ZKSCAN2: variants seen among roughly 807,000 people sequenced by gnomAD.
ZKSCAN2 encodes the protein zinc finger protein with KRAB and SCAN domains 2.
ZKSCAN2 carries 38 observed loss-of-function variants against 90.5 expected under a neutral mutation model. That is an observed-to-expected ratio of 0.42 (90% CI 0.32 to 0.55). The LOEUF (loss-of-function observed/expected upper bound fraction) is 0.55, where lower values mean the gene tolerates loss of function less well. Among genes scored for constraint, ZKSCAN2 ranks in the 20% least tolerant of loss-of-function variants. The pLI is 0.11. For synonymous variants in ZKSCAN2, 429 were observed against 421.6 expected (o/e 1.02, Z -0.22); for missense variants, 1,167 against 1,202.6 (o/e 0.97, Z 0.44).
intron 6 of ZKSCAN2, among the ~76,000 whole-genome samples, chr16:25,242,937 G>T (rs1039203183): frequency 3.9e-5 from 6 of 152,238 alleles, no homozygotes; most frequent in African/African-American, 1.4e-4. Flanking sequence ...GGAGCCCACA[G>T]GGAAGAGCCG....
intron 2 of ZKSCAN2, among the ~76,000 whole-genome samples, chr16:25,253,794 C>T (rs553729142): frequency 6.6e-5 from 10 of 152,022 alleles, no homozygotes; most frequent in Non-Finnish European, 1.2e-4. Flanking sequence ...GATCACCTAA[C>T]GTGAGGAGTT....
chr16:25,240,637 A>C lies in ZKSCAN2; in HGVS notation c.2083T>G (p.Ser695Ala). 1 of 1,614,168 alleles carries C rather than the reference A, an allele frequency of 6.2e-7. No homozygotes were observed. The highest frequency in any genetic ancestry group is 8.5e-7 in the Non-Finnish European group (1 of 1,180,012). The change falls in exon 7 of 7, where the codon TCC becomes GCC. Residue 695 changes from serine to alanine, a missense_variant. Coordinates refer to ENST00000328086, the MANE Select transcript of ZKSCAN2 (RefSeq NM_001012981.5). Reference protein sequence around the residue: ...ALIEKSKRVVSQSTDPSKYRK... With the variant: ...ALIEKSKRVVAQSTDPSKYRK... ...TATTTGCTGGGGTCGGTACTCTGGG[A>C]AACAACTCTTTTAGACTTTTCTATT...
At chr16:25,253,676 G>A (rs556064211) in intron 2 of ZKSCAN2, among the ~76,000 whole-genome samples, 15 of 152,330 alleles carry the variant, frequency 9.8e-5, no homozygotes, top group East Asian at 3.9e-4. Context: ...TCATGCTGCC[G>A]CATTTAATCT....
At chr16:25,245,076 G>T (rs1318754464) in intron 5 of ZKSCAN2, among the ~76,000 whole-genome samples, 2 of 152,092 alleles carry the variant, frequency 1.3e-5, no homozygotes, top group African/African-American at 4.8e-5. Context: ...ACCTGTCTAG[G>T]CATAATGCAT....
At chr16:25,249,659 A>G (rs1169892328) in intron 4 of ZKSCAN2, among the ~76,000 whole-genome samples, 1 of 152,222 alleles carries the variant, frequency 6.6e-6, no homozygotes, top group Non-Finnish European at 1.5e-5. Flanking sequence ...ATTGTACCCC[A>G]TAAATATACA....
At position 25,239,044 on chromosome 16, in the gene ZKSCAN2, G is replaced by A. The variant is rs1962808494; in HGVS notation, c.*772C>T. On this transcript the variant is annotated 3_prime_UTR_variant, in exon 7 of 7. Transcript: ENST00000328086. ...GAAGAGGCCGGCAGGAGCACCCAGA[G>A]CAACTGAGAGGCAAGTGCAGGGCTA... is the stretch of plus-strand genomic sequence containing the variant. 1 of 152,676 alleles carries A rather than the reference G, an allele frequency of 6.5e-6. No individual in the cohort carries two copies. The highest frequency in any genetic ancestry group is 2.4e-5 in the African/African-American group (1 of 41,410). The allele number at this position is 152,676 out of a possible 1,614,324, so 9.5% of individuals were successfully genotyped here.
intron 3 of ZKSCAN2, 24 bp downstream of exon 3, chr16:25,252,922 A>T: frequency 6.3e-7 from 1 of 1,584,080 alleles, no homozygotes; most frequent in Non-Finnish European, 8.7e-7. Flanking sequence ...CATCTCAAAG[A>T]AAAAAAAGAC....
Position 25,239,805 on chromosome 16 carries a change from G to A in ZKSCAN2, c.*11C>T, listed in dbSNP as rs780006329. The stretch of plus-strand genomic sequence containing the variant: ...ATGGCTAAGGGGGCATTTAGGAAGA[G>A]AAGATCATCATCAAAAAGTTTTCCT... On this transcript the variant is annotated 3_prime_UTR_variant, in exon 7 of 7. Transcript: ENST00000328086. 2 of 1,561,372 alleles carry A rather than the reference G, an allele frequency of 1.3e-6. No homozygotes were observed. Among genetic ancestry groups the A allele is most frequent in the Non-Finnish European group, 1.7e-6 (2 of 1,155,600 alleles).
chr16:25,257,585 G>A lies in ZKSCAN2; in HGVS notation c.-458C>T, dbSNP rs549623840. ...AGGCCCCGCCCGGCGCCAGGTTCCG[G>A]GCTCGGGTCACCGCAGCACGTCCAG... is the stretch of plus-strand genomic sequence containing the variant. On this transcript the variant is annotated 5_prime_UTR_variant, in exon 1 of 7. Coordinates refer to ENST00000328086, the MANE Select transcript of ZKSCAN2 (RefSeq NM_001012981.5). 1.1e-6 allele frequency: 1 copy of A among 899,902 alleles called. No homozygotes were observed. The highest frequency in any genetic ancestry group is 1.3e-6 in the Non-Finnish European group (1 of 751,994). The allele number at this position is 899,902 out of a possible 1,614,324, so 55.7% of individuals were successfully genotyped here.
At chr16:25,254,650 A>G (rs946968985) in intron 2 of ZKSCAN2, among the ~76,000 whole-genome samples, 4 of 152,126 alleles carry the variant, frequency 2.6e-5, no homozygotes, top group African/African-American at 9.7e-5. Context: ...GCTGGTCTTG[A>G]ACTCCTGGCT....
chr16:25,242,214 G>A (rs143175643), intron 6 of ZKSCAN2, among the ~76,000 whole-genome samples: 9 of 152,264 alleles, frequency 5.9e-5, no homozygotes, highest in African/African-American at 1.7e-4. Context: ...ATTGTTCTGC[G>A]ATTTGGAGGA....
chr16:25,252,500 G>C (rs966626743), intron 3 of ZKSCAN2, among the ~76,000 whole-genome samples: 3 of 152,028 alleles, frequency 2.0e-5, no homozygotes, highest in Non-Finnish European at 4.4e-5. Flanking sequence ...TTTAAAGTAA[G>C]TATAAGTAAA....
Position 25,255,528 on chromosome 16 carries a change from C to CT in ZKSCAN2, c.400-137dup, listed in dbSNP as rs1963088061. 8 of 907,074 alleles carry CT rather than the reference C, an allele frequency of 8.8e-6. No individual in the cohort carries two copies. In the East Asian group the frequency reaches 1.9e-4, roughly 22 times the overall value. The allele number at this position is 907,074 out of a possible 1,614,324, so 56.2% of individuals were successfully genotyped here. A position where few individuals can be genotyped will look rare whatever the true frequency, so the allele number is the denominator to read the frequency against. On this transcript the variant is annotated intron_variant, in intron 1 of 6. Transcript: ENST00000328086. ...TTCCACTCCATTCCCAGTGGAGTCT[C>CT]TGAGAGCGCTGGGCTGAGAGTACTG...
intron 3 of ZKSCAN2, 145 bp downstream of exon 3, chr16:25,252,801 G>C: frequency 1.5e-6 from 1 of 662,674 alleles, no homozygotes; most frequent in South Asian, 1.6e-5. Flanking sequence ...TGTGGTCCCA[G>C]CTACTCAGGA....
chr16:25,240,093 G>A lies in ZKSCAN2; in HGVS notation c.2627C>T (p.Ala876Val), dbSNP rs753705688. Residue 876 changes from alanine (A) to valine (V), a missense_variant, in exon 7 of 7, where the codon GCC becomes GTC. By Grantham distance (64) the Ala-to-Val change is moderately conservative. Transcript: ENST00000328086. ...KSFTNSSHFS[A>V]HRRVHTGENP... is the part of the protein sequence containing the mutation. The stretch of plus-strand genomic sequence containing the variant: ...CTCCCCAGTGTGAACTCTCCGGTGG[G>A]CGCTGAAATGAGAACTGTTGGTGAA... 1.3e-5 allele frequency: 21 copies of A among 1,613,182 alleles called. No individual in the cohort carries two copies. Among genetic ancestry groups the A allele is most frequent in the Non-Finnish European group, 1.1e-5 (13 of 1,179,874 alleles).
In ZKSCAN2 at chr16:25,257,133, A is replaced by C. The variant is rs962397588; in HGVS notation, c.-6T>G. 4 of 1,582,428 alleles carry C rather than the reference A, an allele frequency of 2.5e-6. No individual in the cohort carries two copies. The highest frequency in any genetic ancestry group is 2.6e-6 in the Non-Finnish European group (3 of 1,164,542). Reference sequence around the variant, plus strand: ...GAGTCGAGGGCGACAGCCATGCTGCAGCCCAGGGGTCAACTTCACGTCTAG... The same window carrying C: ...GAGTCGAGGGCGACAGCCATGCTGCCGCCCAGGGGTCAACTTCACGTCTAG... On this transcript the variant is annotated 5_prime_UTR_variant, in exon 1 of 7. Transcript: ENST00000328086.
chr16:25,256,072 C>T (rs1354583708), intron 1 of ZKSCAN2, among the ~76,000 whole-genome samples: 2 of 152,060 alleles, frequency 1.3e-5, no homozygotes, highest in Non-Finnish European at 2.9e-5. Context: ...CTATCCCTGA[C>T]CAATACAGCA....
intron 5 of ZKSCAN2, among the ~76,000 whole-genome samples, chr16:25,245,738 C>G (rs1441869884): frequency 6.6e-6 from 1 of 150,836 alleles, no homozygotes; most frequent in Non-Finnish European, 1.5e-5. Context: ...CCACTGCACT[C>G]CAGCCTGGGT....
Position 25,240,490 on chromosome 16 carries a change from C to T in ZKSCAN2, c.2230G>A (p.Gly744Arg). 1 of 1,614,134 alleles carries T rather than the reference C, an allele frequency of 6.2e-7. No individual in the cohort carries two copies. The highest frequency in any genetic ancestry group is 1.1e-5 in the South Asian group (1 of 91,078). The part of the protein sequence containing the change: ...KAVVHQRPFV[G>R]KRPYRLLKYG... Reference sequence around the variant, plus strand: ...TTGAGAAGTCTGTAGGGTCTCTTCCCCACAAAAGGCCTCTGATGCACAACG... The same window carrying T: ...TTGAGAAGTCTGTAGGGTCTCTTCCTCACAAAAGGCCTCTGATGCACAACG... Residue 744 changes from glycine to arginine, a missense_variant, in exon 7 of 7, where the codon GGG becomes AGG. Coordinates refer to ENST00000328086, the MANE Select transcript of ZKSCAN2 (RefSeq NM_001012981.5).
Sources: gnomAD v4.1 joint callset for allele counts (sites outside exome capture counted in the v4.1 genomes callset) on GRCh38, gnomAD v4.1.1 for gene constraint, MANE v1.5 for transcripts, NCBI Gene and HGNC (gene_info 2026-07-23, HGNC 2026-07-21) for gene names.